MICU1: variants seen among roughly 807,000 people sequenced by gnomAD.
MICU1 encodes calcium uptake protein 1, mitochondrial.
MICU1 carries 45 observed loss-of-function variants against 56.8 expected under a neutral mutation model. That is an observed-to-expected ratio of 0.79 (90% CI 0.62 to 1.02). The LOEUF is 1.02. MICU1 is among the 50% of genes least tolerant of loss of function. The pLI is 0.00. For synonymous variants in MICU1, 186 were observed against 195.1 expected (o/e 0.95, Z 0.39); for missense variants, 504 against 587.1 (o/e 0.86, Z 1.46).
At chr10:72,578,720 G>C (rs905915851) in intron 1 of MICU1, among the ~76,000 whole-genome samples, 1 of 151,970 alleles carries the variant, frequency 6.6e-6, no homozygotes. Context: ...CGACTCTCCT[G>C]CCTCAGTCTC....
intron 5 of MICU1, among the ~76,000 whole-genome samples, chr10:72,520,182 C>T (rs1022879985): frequency 5.9e-5 from 9 of 151,788 alleles, no homozygotes; most frequent in South Asian, 2.1e-4. Context: ...TCAAGGTATG[C>T]GGTGGGGTGT....
intron 5 of MICU1, among the ~76,000 whole-genome samples, chr10:72,519,187 G>T (rs1867746164): frequency 6.6e-6 from 1 of 152,174 alleles, no homozygotes; most frequent in African/African-American, 2.4e-5. Context: ...TCTTAGAGAA[G>T]AAAATTATGC....
intron 10 of MICU1, chr10:72,379,587 T>C: frequency 2.3e-6 from 1 of 429,000 alleles, no homozygotes; most frequent in Non-Finnish European, 4.7e-6. Flanking sequence ...CCCTTTCCTG[T>C]AAATAAACCA....
intron 1 of MICU1, among the ~76,000 whole-genome samples, chr10:72,617,364 G>GTTTAAACTCTTTT (rs1842006849): frequency 1.3e-5 from 2 of 152,074 alleles, no homozygotes; most frequent in Admixed American, 6.6e-5. Flanking sequence ...TGAACTGATA[G>GTTTAAACTCTTTT]TTTAAACTCT....
At chr10:72,482,399 G>T (rs748618267) in intron 6 of MICU1, among the ~76,000 whole-genome samples, 1 of 152,128 alleles carries the variant, frequency 6.6e-6, no homozygotes, top group Admixed American at 6.6e-5. Context: ...AATGCTAGAG[G>T]ATAAATGAGG....
intron 1 of MICU1, among the ~76,000 whole-genome samples, chr10:72,618,166 C>CAAA (rs879790604): frequency 3.5e-5 from 3 of 85,382 alleles, no homozygotes; most frequent in Admixed American, 2.6e-4. Flanking sequence ...GACTCTGTCT[C>CAAA]AAAAAAAAAA....
At position 72,435,584 on chromosome 10, in the gene MICU1, G is replaced by A. The variant is rs934283547; in HGVS notation, c.934-12213C>T. ...ACGGAGGACGAGCTGAAGCAGGGCG[G>A]GGTGTCACCTCACCTGGGAAGTGCA... On this transcript the variant is annotated intron_variant, in intron 8 of 11. Transcript: ENST00000361114. 1.7e-4 allele frequency among the ~76,000 whole-genome samples: 26 copies of A among 152,110 alleles called. 1 individual carries two copies. Among genetic ancestry groups the A allele is most frequent in the Admixed American group, 1.6e-3 (25 of 15,258 alleles).
chr10:72,450,795 G>A (rs1168950129), intron 8 of MICU1, among the ~76,000 whole-genome samples: 2 of 147,152 alleles, frequency 1.4e-5, no homozygotes, highest in African/African-American at 2.5e-5. Flanking sequence ...TGCAATCTCA[G>A]CTCACTGCAA....
intron 10 of MICU1, among the ~76,000 whole-genome samples, chr10:72,404,101 T>C (rs1456851347): frequency 2.0e-5 from 3 of 152,100 alleles, no homozygotes; most frequent in African/African-American, 7.2e-5. Flanking sequence ...GCAATTCTCC[T>C]GCCTCAGCCT....
intron 1 of MICU1, among the ~76,000 whole-genome samples, chr10:72,623,300 CA>C (rs1164753291): frequency 8.1e-3 from 454 of 55,882 alleles, no homozygotes; most frequent in African/African-American, 0.026. Context: ...GACTCCGTCT[CA>C]AAAAAAAAAA....
chr10:72,371,157 G>A (rs1162312603), intron 11 of MICU1, among the ~76,000 whole-genome samples: 5 of 151,980 alleles, frequency 3.3e-5, no homozygotes, highest in African/African-American at 4.8e-5. Flanking sequence ...AGGCCGAGAC[G>A]GGCGGATCAT....
chr10:72,570,915 T>G (rs1316269588), intron 1 of MICU1, among the ~76,000 whole-genome samples: 1 of 152,062 alleles, frequency 6.6e-6, no homozygotes, highest in Non-Finnish European at 1.5e-5. Flanking sequence ...CAAATCCACA[T>G]GTACACTCAC....
At chr10:72,533,832 T>C in intron 4 of MICU1, 43 bp from the exon 5 acceptor site, 1 of 1,325,600 alleles carries the variant, frequency 7.5e-7, no homozygotes, top group Non-Finnish European at 1.0e-6. Context: ...TGATAATAAC[T>C]CAAGTGAAAT....
At chr10:72,602,836 G>A (rs749256202) in intron 1 of MICU1, among the ~76,000 whole-genome samples, 12 of 152,218 alleles carry the variant, frequency 7.9e-5, no homozygotes, top group Admixed American at 1.3e-4. Flanking sequence ...AGCCAGGCGC[G>A]GTGGCTCACA....
At chr10:72,399,821 G>C (rs1023778342) in intron 10 of MICU1, among the ~76,000 whole-genome samples, 1 of 151,892 alleles carries the variant, frequency 6.6e-6, no homozygotes, top group Non-Finnish European at 1.5e-5. Context: ...AAATTAGCTG[G>C]GTGGTGGGTG....
intron 6 of MICU1, among the ~76,000 whole-genome samples, chr10:72,503,109 T>A (rs1867132216): frequency 6.6e-6 from 1 of 152,200 alleles, no homozygotes; most frequent in South Asian, 2.1e-4. Flanking sequence ...TCTGTATGCC[T>A]CAATTTCCTC....
chr10:72,624,343 C>A (rs1174991796), intron 1 of MICU1, among the ~76,000 whole-genome samples: 2 of 152,048 alleles, frequency 1.3e-5, no homozygotes, highest in African/African-American at 2.4e-5. Flanking sequence ...TACAGGCATG[C>A]GCCCAGCTAA....
intron 4 of MICU1, among the ~76,000 whole-genome samples, chr10:72,547,342 G>C (rs116224884): frequency 6.6e-6 from 1 of 151,954 alleles, no homozygotes; most frequent in East Asian, 1.9e-4. Context: ...CCCAGCCAAT[G>C]CTCTAAATTA....
chr10:72,378,423 A>C (rs1589151924), intron 10 of MICU1, among the ~76,000 whole-genome samples: 1 of 151,790 alleles, frequency 6.6e-6, no homozygotes, highest in Admixed American at 6.6e-5. Flanking sequence ...AGTGTGTGGC[A>C]CCTCCCACCT....
Sources: gnomAD v4.1 joint callset for allele counts (sites outside exome capture counted in the v4.1 genomes callset) on GRCh38, gnomAD v4.1.1 for gene constraint, MANE v1.5 for transcripts, NCBI Gene and HGNC (gene_info 2026-07-23, HGNC 2026-07-21) for gene names.